NEK3: variants seen among roughly 807,000 people sequenced by gnomAD.
NEK3 encodes the protein NIMA related kinase 3.
NEK3 carries 54 observed loss-of-function variants against 66.0 expected under a neutral mutation model. The ratio of observed to expected loss-of-function variants is 0.82; its 90% CI spans 0.66 to 1.03. The LOEUF (loss-of-function observed/expected upper bound fraction) is 1.03, where lower values mean the gene tolerates loss of function less well. NEK3 is among the 50% of genes least tolerant of loss of function. The pLI, the probability that NEK3 is intolerant of heterozygous loss-of-function variation, is 0.00. For synonymous variants in NEK3, 200 were observed against 206.2 expected (o/e 0.97, Z 0.26); for missense variants, 593 against 603.0 (o/e 0.98, Z 0.17).
rs143951803 is a variant in NEK3, at chr13:52,147,040, G to A, written c.603+1375C>T. On this transcript the variant is annotated intron_variant, in intron 8 of 15. Transcript: ENST00000610828. ...TATAATAAACAATGGCTGAACAAGC[G>A]GGACAAGTTATTTAACCTTTTTTTG... Among the ~76,000 whole-genome samples, 765 of 152,260 alleles carry A rather than the reference G, an allele frequency of 5.0e-3. 2 individuals carry two copies. Among genetic ancestry groups the A allele is most frequent in the South Asian group, 0.019 (90 of 4,826 alleles).
chr13:52,151,540 C>T (rs1594029206), intron 5 of NEK3, 148 bp from the exon 6 acceptor site: 3 of 674,292 alleles, frequency 4.4e-6, no homozygotes, highest in East Asian at 5.5e-5. Context: ...CACCAAGATC[C>T]CCTCTTGATC....
intron 2 of NEK3, among the ~76,000 whole-genome samples, chr13:52,154,567 GT>G (rs949154003): frequency 6.6e-6 from 1 of 151,814 alleles, no homozygotes; most frequent in Non-Finnish European, 1.5e-5. Flanking sequence ...AAAAAAGGGA[GT>G]GAGGGATTTC....
chr13:52,141,801 C>T (rs923166914), intron 10 of NEK3, among the ~76,000 whole-genome samples: 10 of 151,666 alleles, frequency 6.6e-5, no homozygotes, highest in Non-Finnish European at 1.5e-4. Flanking sequence ...CTTTTTTGGC[C>T]GGGTACGGTG....
At chr13:52,136,943 A>G in intron 11 of NEK3, 41 bp from the exon 12 acceptor site, 1 of 1,346,286 alleles carries the variant, frequency 7.4e-7, no homozygotes, top group South Asian at 1.5e-5. Flanking sequence ...TAATGCTTGA[A>G]TTGCCACAAA....
At chr13:52,148,273 C>T in intron 8 of NEK3, 142 bp downstream of exon 8, 1 of 687,206 alleles carries the variant, frequency 1.5e-6, no homozygotes, top group Non-Finnish European at 2.5e-6. Flanking sequence ...TAACTCAGGG[C>T]AGATGACTGC....
At chr13:52,157,642 T>C (rs1422286516) in intron 1 of NEK3, among the ~76,000 whole-genome samples, 1 of 152,208 alleles carries the variant, frequency 6.6e-6, no homozygotes, top group African/African-American at 2.4e-5. Flanking sequence ...AAACACACAG[T>C]TGGAGTCCTT....
chr13:52,143,933 T>TAA lies in NEK3; in HGVS notation c.858_859insTT (p.Asn287LeufsTer15), dbSNP rs1387878868. On this transcript the variant is annotated frameshift_variant, in exon 10 of 16. Coordinates refer to ENST00000610828, the MANE Select transcript of NEK3 (RefSeq NM_002498.3). LOFTEE classifies it high-confidence loss of function. Reference sequence around the variant, plus strand: ...TTCTTACTTTTTTTTCTTGGTGTGTTATGCTTCGAATTTTTTATTTCTTCT... The same window carrying TAA: ...TTCTTACTTTTTTTTCTTGGTGTGTTAAATGCTTCGAATTTTTTATTTCTTCT... The TAA allele has an allele frequency of 6.7e-7, 1 of 1,495,318 alleles. No individual in the cohort carries two copies. The highest frequency in any genetic ancestry group is 9.1e-7 in the Non-Finnish European group (1 of 1,100,736). 92.6% of individuals were successfully genotyped at this position (1,495,318 alleles called of 1,614,324 possible).
At chr13:52,158,868 C>T (rs946838744) in intron 1 of NEK3, among the ~76,000 whole-genome samples, 1 of 152,152 alleles carries the variant, frequency 6.6e-6, no homozygotes, top group African/African-American at 2.4e-5. Context: ...TTGCTTCTAA[C>T]CTCACGGGCT....
chr13:52,145,756 T>G (rs1956290714), intron 8 of NEK3, among the ~76,000 whole-genome samples: 1 of 152,220 alleles, frequency 6.6e-6, no homozygotes. Context: ...CCATGTATAA[T>G]AAATATATCA....
At chr13:52,159,036 C>A (rs988274350) in intron 1 of NEK3, among the ~76,000 whole-genome samples, 1 of 152,190 alleles carries the variant, frequency 6.6e-6, no homozygotes, top group African/African-American at 2.4e-5. Flanking sequence ...GTGATTTCAT[C>A]CCCAGCCGGT....
chr13:52,145,488 C>A lies in NEK3; in HGVS notation c.604-597G>T, dbSNP rs566101506. Among the ~76,000 whole-genome samples the A allele has an allele frequency of 1.3e-4, 19 of 151,710 alleles. No homozygotes were observed. In the South Asian group the frequency reaches 4.0e-3, roughly 32 times the overall value. ...CTGGCTAATTTTTAAATTTTTTTTT[C>A]TTTTTTTAGACGCAGGGTCTTGCTA... On this transcript the variant is annotated intron_variant, in intron 8 of 15. Coordinates refer to ENST00000610828, the MANE Select transcript of NEK3 (RefSeq NM_002498.3).
At chr13:52,139,130 T>C (rs755418877) in intron 11 of NEK3, among the ~76,000 whole-genome samples, 8 of 152,044 alleles carry the variant, frequency 5.3e-5, no homozygotes, top group Admixed American at 2.6e-4. Flanking sequence ...AGCCTGAAAA[T>C]TGATTCTTGG....
At chr13:52,143,729 C>G (rs1340789724) in intron 10 of NEK3, among the ~76,000 whole-genome samples, 186 bp downstream of exon 10, 1 of 151,994 alleles carries the variant, frequency 6.6e-6, no homozygotes, top group Non-Finnish European at 1.5e-5. Flanking sequence ...TTTTTAAATC[C>G]CAATTTTTTC....
chr13:52,133,583 C>T, intron 15 of NEK3, 106 bp downstream of exon 15: 1 of 1,411,986 alleles, frequency 7.1e-7, no homozygotes, highest in Non-Finnish European at 9.4e-7. Flanking sequence ...GAGGTCCCTA[C>T]TAAATCTGAA....
intron 5 of NEK3, 149 bp downstream of exon 5, chr13:52,152,460 G>T: frequency 2.1e-6 from 1 of 484,106 alleles, no homozygotes. Context: ...AAAGGTGGGG[G>T]AATTTAAATT....
chr13:52,136,389 T>A, intron 12 of NEK3, 130 bp from the exon 13 acceptor site: 2 of 946,698 alleles, frequency 2.1e-6, no homozygotes, highest in Non-Finnish European at 1.5e-6. Context: ...GTTTGAAAGA[T>A]CAATGTTCTT....
chr13:52,142,103 AAAGTT>A (rs902848294), intron 10 of NEK3, among the ~76,000 whole-genome samples: 5 of 151,912 alleles, frequency 3.3e-5, no homozygotes, highest in Non-Finnish European at 5.9e-5. Context: ...AAAATAAAAT[AAAGTT>A]AATTTAAAAA....
chr13:52,138,918 G>A lies in NEK3; in HGVS notation c.928-2016C>T, dbSNP rs530463172. Among the ~76,000 whole-genome samples the A allele has an allele frequency of 5.1e-4, 78 of 152,190 alleles. 1 individual carries two copies. The highest frequency in any genetic ancestry group is 4.8e-3 in the Admixed American group (74 of 15,276). On this transcript the variant is annotated intron_variant, in intron 11 of 15. Coordinates refer to ENST00000610828, the MANE Select transcript of NEK3 (RefSeq NM_002498.3). Reference sequence around the variant, plus strand: ...TGCACTCCAGCCTAGACAACAGAGAGAGAGAGAGAGAGAAGGAGAGAAGGA... The same window carrying A: ...TGCACTCCAGCCTAGACAACAGAGAAAGAGAGAGAGAGAAGGAGAGAAGGA...
intron 11 of NEK3, 142 bp from the exon 12 acceptor site, chr13:52,137,044 A>G (rs1956212165): frequency 1.9e-6 from 1 of 526,050 alleles, no homozygotes; most frequent in East Asian, 3.2e-5. Flanking sequence ...CCCCAAGGAC[A>G]TGTATATTAA....
Sources: gnomAD v4.1 joint callset for allele counts (sites outside exome capture counted in the v4.1 genomes callset) on GRCh38, gnomAD v4.1.1 for gene constraint, MANE v1.5 for transcripts, NCBI Gene and HGNC (gene_info 2026-07-23, HGNC 2026-07-21) for gene names.